The following PTK2B variants were observed in gnomAD, a reference collection of about 807,000 sequenced individuals.
PTK2B encodes protein-tyrosine kinase 2-beta.
Under a neutral mutation model 142.9 loss-of-function variants are expected in PTK2B, and 71 were observed. The ratio of observed to expected loss-of-function variants is 0.50; its 90% CI spans 0.41 to 0.61. PTK2B has a LOEUF of 0.61. Ranked by LOEUF, PTK2B falls within the 20% of genes least tolerant of loss-of-function variation. The pLI, the probability that PTK2B is intolerant of heterozygous loss-of-function variation, is 0.00. For missense variants in PTK2B, 1,105 were observed against 1,320.4 expected (o/e 0.84, Z 2.53); for synonymous variants, 519 against 503.4 (o/e 1.03, Z -0.42).
At chr8:27,447,258 G>T (rs1201061616) in intron 24 of PTK2B, among the ~76,000 whole-genome samples, 1 of 152,114 alleles carries the variant, frequency 6.6e-6, no homozygotes. Context: ...CTGCCTAAAA[G>T]AACATAATGA....
At chr8:27,444,557 G>T (rs1049608275) in intron 23 of PTK2B, among the ~76,000 whole-genome samples, 36 of 152,078 alleles carry the variant, frequency 2.4e-4, no homozygotes, top group Admixed American at 1.4e-3. Flanking sequence ...CACATCTAAG[G>T]CCTCCCTGGC....
intron 1 of PTK2B, among the ~76,000 whole-genome samples, chr8:27,369,223 C>T (rs1806196453): frequency 6.6e-6 from 1 of 152,158 alleles, no homozygotes. Flanking sequence ...CACCCCCTGC[C>T]CTACAGCTTA....
intron 1 of PTK2B, among the ~76,000 whole-genome samples, chr8:27,366,897 C>T (rs767206457): frequency 6.6e-6 from 1 of 151,940 alleles, no homozygotes; most frequent in Non-Finnish European, 1.5e-5. Context: ...CAGCCTCAGA[C>T]ACAGAATTGG....
At chr8:27,335,595 C>CAAAA (rs900959610) in intron 1 of PTK2B, among the ~76,000 whole-genome samples, 15 of 74,344 alleles carry the variant, frequency 2.0e-4, no homozygotes, top group African/African-American at 5.8e-4. Flanking sequence ...AACACTGTCT[C>CAAAA]AAAAAAAAAA....
At chr8:27,406,701 G>A (rs1228010019) in intron 2 of PTK2B, among the ~76,000 whole-genome samples, 1 of 152,122 alleles carries the variant, frequency 6.6e-6, no homozygotes, top group Non-Finnish European at 1.5e-5. Context: ...TGCCATGGGT[G>A]AACAGTCCCA....
Position 27,445,777 on chromosome 8 carries a change from T to C in PTK2B, c.2215-17T>C. On this transcript the variant is annotated splice_polypyrimidine_tract_variant and intron_variant, in intron 23 of 30. Transcript: ENST00000346049. ...GCTTTGTCCCGTGCCTTGTGCTTCT[T>C]TGCTTTTCCTGAATAGGTTCCTGAG... The C allele has an allele frequency of 6.2e-7, 1 of 1,613,078 alleles. No homozygotes were observed. The highest frequency in any genetic ancestry group is 8.5e-7 in the Non-Finnish European group (1 of 1,180,038).
chr8:27,445,762 G>A lies in PTK2B; in HGVS notation c.2215-32G>A, dbSNP rs199775166. On this transcript the variant is annotated intron_variant, in intron 23 of 30. Transcript: ENST00000346049. ...ATTGTCTACCTTCTCGCTTTGTCCC[G>A]TGCCTTGTGCTTCTTTGCTTTTCCT... 2,365 of 1,611,508 alleles carry A rather than the reference G, an allele frequency of 1.5e-3. 2 individuals are homozygous for A. Among genetic ancestry groups the A allele is most frequent in the Non-Finnish European group, 1.9e-3 (2,249 of 1,179,942 alleles).
Position 27,397,663 on chromosome 8 carries a change from G to A in PTK2B, c.79G>A (p.Val27Met), listed in dbSNP as rs775087514. Residue 27 changes from valine (V) to methionine (M), a missense_variant, in exon 2 of 31, where the codon GTG becomes ATG. Transcript: ENST00000346049. The stretch of plus-strand genomic sequence containing the variant: ...GCCTGAAGGCCCTGCAGAGCCCATG[G>A]TGGTGGTACCAGTAGATGTGGAAAA... ...RRPEGPAEPM[V>M]VVPVDVEKED... The A allele has an allele frequency of 1.9e-6, 3 of 1,614,198 alleles. No individual in the cohort carries two copies. The South Asian group carries it at 3.3e-5, about 18-fold the overall frequency.
At chr8:27,397,291 G>C (rs923807460) in intron 1 of PTK2B, among the ~76,000 whole-genome samples, 2 of 152,182 alleles carry the variant, frequency 1.3e-5, no homozygotes, top group African/African-American at 2.4e-5. Flanking sequence ...AGAGAGAGGG[G>C]CTTCCAGGAG....
At position 27,450,801 on chromosome 8, in the gene PTK2B, A is replaced by C. The variant is rs778215355; in HGVS notation, c.2393A>C (p.Glu798Ala). ...CGAGAAGAGGCCCAGCAGCTGTGGG[A>C]GGCTGAAAAGGTCAAAATGCGGCAA... is the stretch of plus-strand genomic sequence containing the variant. Reference protein sequence around the residue: ...SSREEAQQLWEAEKVKMRQIL... With the variant: ...SSREEAQQLWAAEKVKMRQIL... The change falls in exon 25 of 31, where the codon GAG (glutamate) becomes GCG (alanine). Residue 798 changes from glutamate to alanine, a missense_variant. By Grantham distance (107) the Glu-to-Ala change is moderately radical. Transcript: ENST00000346049. 9.3e-6 allele frequency: 15 copies of C among 1,613,960 alleles called. No individual in the cohort carries two copies. In the South Asian group the frequency reaches 9.9e-5, roughly 11 times the overall value.
In PTK2B at chr8:27,431,439, A is replaced by G. The variant is rs758830492; in HGVS notation, c.852A>G (p.Lys284=). Residue 284 remains lysine (K), a synonymous_variant, in exon 9 of 31, where the codon AAA becomes AAG. Coordinates refer to ENST00000346049, the MANE Select transcript of PTK2B (RefSeq NM_173176.3). ...CTGTGGACCTGGTCATTGGCCCTAA[A>G]GGGATCCGCCAGCTGACTAGTCAGG... ...NITVDLVIGP[K]GIRQLTSQDA... 6.2e-7 allele frequency: 1 copy of G among 1,614,200 alleles called. No homozygotes were observed. The highest frequency in any genetic ancestry group is 1.1e-5 in the South Asian group (1 of 91,088).
At chr8:27,415,214 C>T (rs1214829168) in intron 2 of PTK2B, among the ~76,000 whole-genome samples, 1 of 152,072 alleles carries the variant, frequency 6.6e-6, no homozygotes, top group African/African-American at 2.4e-5. Context: ...AAAACCAAAT[C>T]CAGAGAAGTT....
chr8:27,426,438 A>G (rs1000981041), intron 5 of PTK2B, among the ~76,000 whole-genome samples: 1 of 152,206 alleles, frequency 6.6e-6, no homozygotes, highest in Non-Finnish European at 1.5e-5. Context: ...CGGTCCAGGC[A>G]TATTTGGGAG....
intron 1 of PTK2B, chr8:27,380,502 A>G (rs940303913): frequency 6.6e-6 from 1 of 151,968 alleles, no homozygotes; most frequent in African/African-American, 2.4e-5. Flanking sequence ...AGTTCCCCCA[A>G]ATTTTCTGAA....
At chr8:27,330,805 G>C (rs73679165) in intron 1 of PTK2B, among the ~76,000 whole-genome samples, 10 of 152,166 alleles carry the variant, frequency 6.6e-5, no homozygotes, top group African/African-American at 2.2e-4. Context: ...ATTTTCAGGA[G>C]ACCCTCCAGG....
intron 24 of PTK2B, among the ~76,000 whole-genome samples, chr8:27,450,020 A>G (rs1811704749): frequency 6.6e-6 from 1 of 152,204 alleles, no homozygotes; most frequent in Non-Finnish European, 1.5e-5. Flanking sequence ...TCTTATCTCT[A>G]TAGAGCTGTA....
chr8:27,356,380 A>C (rs1218585513), intron 1 of PTK2B, among the ~76,000 whole-genome samples: 1 of 152,262 alleles, frequency 6.6e-6, no homozygotes, highest in Admixed American at 6.5e-5. Context: ...GGAGATGGTT[A>C]TCAACACAGA....
At chr8:27,407,162 C>A (rs145367547) in intron 2 of PTK2B, among the ~76,000 whole-genome samples, 6 of 152,152 alleles carry the variant, frequency 3.9e-5, no homozygotes, top group African/African-American at 9.6e-5. Flanking sequence ...AAAGAAAGGG[C>A]CTTCTAAAGA....
intron 1 of PTK2B, among the ~76,000 whole-genome samples, chr8:27,332,037 G>T (rs187388692): frequency 5.3e-5 from 8 of 152,200 alleles, no homozygotes; most frequent in African/African-American, 1.9e-4. Flanking sequence ...CATCCCCTCC[G>T]CTATTTAGGC....
Sources: gnomAD v4.1 joint callset for allele counts (sites outside exome capture counted in the v4.1 genomes callset) on GRCh38, gnomAD v4.1.1 for gene constraint, MANE v1.5 for transcripts, NCBI Gene and HGNC (gene_info 2026-07-23, HGNC 2026-07-21) for gene names.